MAPK10: variants seen among roughly 807,000 people sequenced by gnomAD.
The protein encoded by MAPK10 is JNK3 alpha protein kinase.
MAPK10 carries 25 observed loss-of-function variants against 59.3 expected under a neutral mutation model. The observed-to-expected ratio is 0.42, with a 90% CI of 0.31 to 0.59. The LOEUF is 0.59. MAPK10 is among the 20% of genes least tolerant of loss of function. MAPK10 has a pLI of 0.15. For synonymous variants in MAPK10, 190 were observed against 200.5 expected (o/e 0.95, Z 0.44); for missense variants, 351 against 568.9 (o/e 0.62, Z 3.90).
intron 1 of MAPK10, among the ~76,000 whole-genome samples, chr4:86,563,382 T>C (rs1361819068): frequency 1.3e-5 from 2 of 152,216 alleles, no homozygotes; most frequent in East Asian, 1.9e-4. Context: ...GAAATCATTG[T>C]GAAAATTCCA....
rs1742053190 is a variant in MAPK10, at chr4:86,013,499, T to A, written c.*3729A>T. 1.3e-5 allele frequency: 2 copies of A among 152,244 alleles called. No individual in the cohort carries two copies. Among genetic ancestry groups the A allele is most frequent in the African/African-American group, 4.8e-5 (2 of 41,460 alleles). 9.4% of individuals were successfully genotyped at this position (152,244 alleles called of 1,614,324 possible). ...CTTACAGAGCATAATGCACTTAAGA[T>A]GTGGCTTTTCATATGTTAAGAGATT... On this transcript the variant is annotated 3_prime_UTR_variant, in exon 14 of 14. Coordinates refer to ENST00000641462, the MANE Select transcript of MAPK10 (RefSeq NM_138982.4).
intron 4 of MAPK10, chr4:86,119,340 G>C (rs557980117): frequency 6.6e-6 from 1 of 152,104 alleles, no homozygotes; most frequent in South Asian, 2.1e-4. Flanking sequence ...TGTGGCTCAC[G>C]CCTGTAATCC....
intron 1 of MAPK10, among the ~76,000 whole-genome samples, chr4:86,475,720 C>A (rs938886040): frequency 7.2e-5 from 11 of 152,016 alleles, no homozygotes; most frequent in African/African-American, 2.7e-4. Context: ...CTCCCAACCC[C>A]TTCTTCACCC....
chr4:86,012,633 TAAAAG>T lies in MAPK10; in HGVS notation c.*4590_*4594del, dbSNP rs1398661339. ...TCTTGTTCCACAGACATTTTGAAAATAAAAGAAGACAAAATAGAAAGGAAAGGGTG... is the reference window on the plus strand; with the variant it reads ...TCTTGTTCCACAGACATTTTGAAAATAAGACAAAATAGAAAGGAAAGGGTG... On this transcript the variant is annotated 3_prime_UTR_variant, in exon 14 of 14. Transcript: ENST00000641462. 1.3e-5 allele frequency: 2 copies of T among 152,052 alleles called. No individual in the cohort carries two copies. Among genetic ancestry groups the T allele is most frequent in the African/African-American group, 4.8e-5 (2 of 41,400 alleles). The allele number at this position is 152,052 out of a possible 1,614,324, so 9.4% of individuals were successfully genotyped here. A position where few individuals can be genotyped will look rare whatever the true frequency, so the allele number is the denominator to read the frequency against.
At chr4:86,286,304 GAACA>G (rs1320847924) in intron 2 of MAPK10, among the ~76,000 whole-genome samples, 1 of 152,166 alleles carries the variant, frequency 6.6e-6, no homozygotes, top group African/African-American at 2.4e-5. Flanking sequence ...CAGTGTCCCT[GAACA>G]AAGGCTTTGG....
chr4:86,026,847 A>T (rs1246354493), intron 13 of MAPK10: 4 of 152,200 alleles, frequency 2.6e-5, no homozygotes, highest in Non-Finnish European at 5.9e-5. Flanking sequence ...ACACACAAAA[A>T]CGCATACACA....
At chr4:86,563,379 T>C (rs1016804853) in intron 1 of MAPK10, among the ~76,000 whole-genome samples, 1 of 152,168 alleles carries the variant, frequency 6.6e-6, no homozygotes, top group Non-Finnish European at 1.5e-5. Flanking sequence ...GGTGAAATCA[T>C]TGTGAAAATT....
intron 1 of MAPK10, among the ~76,000 whole-genome samples, chr4:86,401,026 C>A (rs1253581620): frequency 1.3e-5 from 2 of 152,066 alleles, no homozygotes; most frequent in Non-Finnish European, 2.9e-5. Flanking sequence ...TAAAAAATTA[C>A]AAATTAGTGG....
chr4:86,448,783 T>A (rs1479577691), intron 1 of MAPK10, among the ~76,000 whole-genome samples: 1 of 152,172 alleles, frequency 6.6e-6, no homozygotes, highest in Non-Finnish European at 1.5e-5. Context: ...CTATTATTAT[T>A]ACATTGTAAT....
chr4:86,522,304 A>G (rs1757168427), intron 1 of MAPK10, among the ~76,000 whole-genome samples: 2 of 152,224 alleles, frequency 1.3e-5, no homozygotes, highest in African/African-American at 4.8e-5. Flanking sequence ...AAGCCCAGAC[A>G]TGTAAAACAT....
intron 1 of MAPK10, among the ~76,000 whole-genome samples, chr4:86,423,760 GATATATATACATATATATATATAT>G (rs1217638813): frequency 2.6e-5 from 3 of 117,120 alleles, no homozygotes; most frequent in Non-Finnish European, 5.2e-5. Flanking sequence ...TAATTAGTGG[GATATATATACATATATATATATAT>G]ATATATATAT....
At position 86,132,008 on chromosome 4, in the gene MAPK10, G is replaced by A. The variant is rs541073186; in HGVS notation, c.237-24656C>T. Among the ~76,000 whole-genome samples the A allele has an allele frequency of 2.0e-5, 3 of 152,214 alleles. No homozygotes were observed. In the South Asian group the frequency reaches 6.2e-4, roughly 32 times the overall value. Reference sequence around the variant, plus strand: ...TCCTTTCTGCTTCTAGTCAGTAGACGATACACTGCTGGTCCTAGTCCATAA... The same window carrying A: ...TCCTTTCTGCTTCTAGTCAGTAGACAATACACTGCTGGTCCTAGTCCATAA... On this transcript the variant is annotated intron_variant, in intron 4 of 13. Transcript: ENST00000641462.
intron 2 of MAPK10, among the ~76,000 whole-genome samples, chr4:86,339,451 T>A (rs918970834): frequency 1.5e-4 from 23 of 152,216 alleles, no homozygotes; most frequent in African/African-American, 5.3e-4. Context: ...TAATCTTCAT[T>A]TGAACCAGAT....
In MAPK10 at chr4:86,070,638, G is replaced by A. The variant is rs540282940; in HGVS notation, c.803-2683C>T. 3.1e-4 allele frequency among the ~76,000 whole-genome samples: 46 copies of A among 147,938 alleles called. No homozygotes were observed. In the East Asian group the frequency reaches 4.1e-3, roughly 13 times the overall value. ...TTCCCACCTATGAGTGAGAATATGC[G>A]GTGTTTGGTTTTTTGTTCTTGCAAT... On this transcript the variant is annotated intron_variant, in intron 9 of 13. Transcript: ENST00000641462.
At chr4:86,413,756 C>A (rs1745500548) in intron 1 of MAPK10, among the ~76,000 whole-genome samples, 1 of 152,230 alleles carries the variant, frequency 6.6e-6, no homozygotes, top group African/African-American at 2.4e-5. Flanking sequence ...GTCCGCCAGT[C>A]ACTAAGACTG....
chr4:86,299,445 A>G (rs1219847922), intron 2 of MAPK10, among the ~76,000 whole-genome samples: 3 of 152,154 alleles, frequency 2.0e-5, no homozygotes, highest in Non-Finnish European at 4.4e-5. Flanking sequence ...GTCTGGAGAG[A>G]GATCCCTTGT....
intron 9 of MAPK10, chr4:86,089,080 A>G (rs2052544793): frequency 6.0e-6 from 4 of 664,690 alleles, no homozygotes; most frequent in Non-Finnish European, 7.4e-6. Context: ...TAAATATTTG[A>G]CATTGAGTCT....
intron 2 of MAPK10, among the ~76,000 whole-genome samples, chr4:86,216,495 A>T (rs1487472015): frequency 4.7e-4 from 72 of 151,800 alleles, no homozygotes; most frequent in Non-Finnish European, 1.8e-4. Context: ...TAACAGAAAA[A>T]GTTGAAAGAA....
At position 86,029,207 on chromosome 4, in the gene MAPK10, A is replaced by C; in HGVS notation, c.1242T>G (p.Pro414=). 1 of 1,607,594 alleles carries C rather than the reference A, an allele frequency of 6.2e-7. No individual in the cohort carries two copies. The highest frequency in any genetic ancestry group is 2.2e-5 in the East Asian group (1 of 44,738). ...KTKNGVVKGQ[P]SPSGAAVNSS... is the part of the protein sequence containing the mutation. ...ACGGAGAGTGAGTACCTGAAGGAGA[A>C]GGCTGTCCTTTTACTACACCATTTT... Residue 414 remains proline (P), a synonymous_variant, in exon 13 of 14, where the codon CCT becomes CCG. Transcript: ENST00000641462.
Sources: gnomAD v4.1 joint callset for allele counts (sites outside exome capture counted in the v4.1 genomes callset) on GRCh38, gnomAD v4.1.1 for gene constraint, MANE v1.5 for transcripts, NCBI Gene and HGNC (gene_info 2026-07-23, HGNC 2026-07-21) for gene names.